Variants in POU2F2 observed in about 807,000 individuals in gnomAD.
POU2F2 encodes POU class 2 homeobox 2.
A neutral mutation model predicts 63.5 loss-of-function variants in POU2F2; 14 were observed. The observed-to-expected ratio is 0.22, with a 90% confidence interval of 0.15 to 0.34. The LOEUF is 0.34. Among genes scored for constraint, POU2F2 ranks in the 10% least tolerant of loss-of-function variants. POU2F2 has a pLI of 1.00. For synonymous variants in POU2F2, 306 were observed against 348.6 expected, an observed-to-expected ratio of 0.88 and a Z score of 1.36; for missense variants, 607 against 815.2, an observed-to-expected ratio of 0.74 and a Z score of 3.11.
chr19:42,192,217 G>C (rs2035082036), intron 1 of POU2F2, among the ~76,000 whole-genome samples: 2 of 152,162 alleles, frequency 1.3e-5, no homozygotes, highest in South Asian at 4.1e-4. Context: ...GGAGAGCATG[G>C]GTTGGGGTGG....
intron 2 of POU2F2, among the ~76,000 whole-genome samples, chr19:42,137,943 G>C (rs2034050782): frequency 6.6e-6 from 1 of 152,236 alleles, no homozygotes; most frequent in Non-Finnish European, 1.5e-5. Context: ...AGCTGGAGCA[G>C]AGTGAACAAA....
At chr19:42,150,351 G>A (rs1179090614) in intron 2 of POU2F2, among the ~76,000 whole-genome samples, 1 of 150,382 alleles carries the variant, frequency 6.6e-6, no homozygotes, top group African/African-American at 2.4e-5. Context: ...CATGGATGAG[G>A]AGGAAGAGGA....
chr19:42,095,489 A>G lies in POU2F2; in HGVS notation c.1021-27T>C. On this transcript the variant is annotated intron_variant, in intron 10 of 14. Transcript: ENST00000692977. This position sits in a 1 kb window ranked among gnomAD's most constrained non-coding sequence, Gnocchi z 7.1. The stretch of plus-strand genomic sequence containing the variant: ...TGCAGGCAGAGGGCTCGTTAGCCCG[A>G]GGCCCACCGCCCGCCACCCCTCAGG... 6.2e-7 allele frequency: 1 copy of G among 1,608,130 alleles called. No homozygotes were observed. Among genetic ancestry groups the G allele is most frequent in the Non-Finnish European group, 8.5e-7 (1 of 1,177,510 alleles).
At chr19:42,163,941 G>A (rs2034600464) in intron 1 of POU2F2, among the ~76,000 whole-genome samples, 1 of 151,992 alleles carries the variant, frequency 6.6e-6, no homozygotes, top group African/African-American at 2.4e-5. Context: ...CATTGACAAC[G>A]AAACCATGTT....
At position 42,132,318 on chromosome 19, in the gene POU2F2, C is replaced by T; in HGVS notation, c.28+66G>A. ...AGCTGAGGAGGAGGGGCAGGCAGGGCCCGCAGAGCAAACCTAAATGTGCTG... is the reference window on the plus strand; with the variant it reads ...AGCTGAGGAGGAGGGGCAGGCAGGGTCCGCAGAGCAAACCTAAATGTGCTG... On this transcript the variant is annotated intron_variant, in intron 1 of 14. Coordinates refer to ENST00000692977, the MANE Select transcript of POU2F2 (RefSeq NM_001394376.1). 6 of 1,556,076 alleles carry T rather than the reference C, an allele frequency of 3.9e-6. No homozygotes were observed. In the South Asian group the frequency reaches 7.0e-5, roughly 18 times the overall value.
At position 42,096,060 on chromosome 19, in the gene POU2F2, A is replaced by C. The variant is rs963981376; in HGVS notation, c.729+22T>G. On this transcript the variant is annotated intron_variant, in intron 8 of 14. Coordinates refer to ENST00000692977, the MANE Select transcript of POU2F2 (RefSeq NM_001394376.1). The surrounding 1 kb of genome is among the most constrained non-coding windows in gnomAD (Gnocchi z 4.1). The stretch of plus-strand genomic sequence containing the variant: ...GGCCACGCCCCCACGCCCACCGCCC[A>C]GCCTGCAAGGTGCCTCCAGACCTGC... The C allele has an allele frequency of 6.2e-7, 1 of 1,612,482 alleles. No homozygotes were observed. The highest frequency in any genetic ancestry group is 1.7e-4 in the Middle Eastern group (1 of 6,056).
At position 42,173,171 on chromosome 19, in the gene POU2F2, A is replaced by G. The variant is rs370170882; in HGVS notation, c.-70+2792T>C. ...AATATATTTAGAAGGAGGAATAGAC[A>G]TCCATCTGAGGAGGCCTTACACCCA... On this transcript the variant is annotated intron_variant, in intron 1 of 6. Coordinates refer to the POU2F2 transcript ENST00000524801. 1.4e-4 allele frequency among the ~76,000 whole-genome samples: 22 copies of G among 152,266 alleles called. No individual in the cohort carries two copies. The South Asian group carries it at 4.1e-3, about 29-fold the overall frequency.
upstream of POU2F2, among the ~76,000 whole-genome samples, chr19:42,179,681 C>A (rs2034938832): frequency 6.6e-6 from 1 of 152,104 alleles, no homozygotes; most frequent in Non-Finnish European, 1.5e-5. Context: ...GTGTGAGAAA[C>A]ACGAGAATCA....
intron 1 of POU2F2, among the ~76,000 whole-genome samples, chr19:42,129,263 T>C (rs1317222867): frequency 6.6e-6 from 1 of 152,032 alleles, no homozygotes; most frequent in Non-Finnish European, 1.5e-5. Flanking sequence ...TAATGTGTAA[T>C]ATTTTAGGGG....
chr19:42,147,072 C>T (rs1163992548), intron 2 of POU2F2, among the ~76,000 whole-genome samples: 4 of 152,180 alleles, frequency 2.6e-5, no homozygotes, highest in Admixed American at 1.3e-4. Context: ...CTTTCTAAAA[C>T]GTAACCAGGT....
In POU2F2 at chr19:42,096,191, G is replaced by T. The variant is rs200544374; in HGVS notation, c.620C>A (p.Pro207His). 92 of 1,613,052 alleles carry T rather than the reference G, an allele frequency of 5.7e-5. No homozygotes were observed. The highest frequency in any genetic ancestry group is 7.5e-5 in the Non-Finnish European group (89 of 1,179,708). ...GTGGGATGGTGGCTCCAAGCATTTG[G>T]GGGGCTGCGGGTGCGAGAGGTGCGG... ...PDPHLSHPQP[P>H]KCLEPPSHPE... The change falls in exon 8 of 15, where the codon CCC becomes CAC. Residue 207 changes from proline (P) to histidine (H), a missense_variant. Pro to His is a moderately conservative substitution (Grantham distance 77, BLOSUM62 -2). Transcript: ENST00000692977. The surrounding 1 kb of genome is among the most constrained non-coding windows in gnomAD (Gnocchi z 4.1).
upstream of POU2F2, among the ~76,000 whole-genome samples, chr19:42,177,838 G>C (rs2034914541): frequency 6.6e-6 from 1 of 152,022 alleles, no homozygotes; most frequent in Non-Finnish European, 1.5e-5. Context: ...AGAAAAAAGA[G>C]AGAGGGGACA....
intron 1 of POU2F2, among the ~76,000 whole-genome samples, chr19:42,181,668 C>G (rs575905558): frequency 6.6e-6 from 1 of 152,148 alleles, no homozygotes; most frequent in Non-Finnish European, 1.5e-5. Context: ...CTCTCTGCAA[C>G]CTCTGCCTCC....
intron 1 of POU2F2, among the ~76,000 whole-genome samples, chr19:42,195,324 C>CT (rs1173270813): frequency 1.4e-5 from 2 of 141,334 alleles, no homozygotes; most frequent in Non-Finnish European, 3.1e-5. Flanking sequence ...TTCCCTCCCT[C>CT]TTTTTCTTTT....
chr19:42,140,252 G>A (rs771969021), intron 2 of POU2F2, among the ~76,000 whole-genome samples: 3 of 151,910 alleles, frequency 2.0e-5, no homozygotes, highest in Non-Finnish European at 4.4e-5. Context: ...GCCCACATGC[G>A]CACTTCCTGT....
rs1299771947 is a variant in POU2F2 at position 42,089,707 on chromosome 19, C to CTT, written c.*1548_*1549dup. On this transcript the variant is annotated 3_prime_UTR_variant, in exon 15 of 15. Transcript: ENST00000692977. ...CTTGAAGAGTCCTCATCTTCTTTCC[C>CTT]TTTTATATATATATATATATATATG... 222 of 143,546 alleles carry CTT rather than the reference C, an allele frequency of 1.5e-3. 1 individual carries two copies. The highest frequency in any genetic ancestry group is 5.5e-3 in the African/African-American group (209 of 38,158). 8.9% of individuals were successfully genotyped at this position (143,546 alleles called of 1,614,324 possible).
chr19:42,158,851 C>A (rs772539594), intron 2 of POU2F2, among the ~76,000 whole-genome samples: 46 of 152,222 alleles, frequency 3.0e-4, no homozygotes, highest in Non-Finnish European at 5.1e-4. Context: ...CAAACTAATT[C>A]TGCAACCTGG....
At chr19:42,109,132 G>A (rs1231223224) in intron 5 of POU2F2, among the ~76,000 whole-genome samples, 2 of 152,226 alleles carry the variant, frequency 1.3e-5, no homozygotes. Flanking sequence ...AGTTCCACCT[G>A]GGGGAGAAGA....
chr19:42,163,093 C>T (rs1257141867), intron 1 of POU2F2, among the ~76,000 whole-genome samples: 3 of 151,982 alleles, frequency 2.0e-5, no homozygotes, highest in East Asian at 3.9e-4. Flanking sequence ...GATTGGACTC[C>T]GAGGGGCATG....
Sources: gnomAD v4.1 joint callset for allele counts (sites outside exome capture counted in the v4.1 genomes callset) on GRCh38, gnomAD v4.1.1 for gene constraint, Gnocchi (gnomAD v3.1) non-coding constraint, MANE v1.5 for transcripts, NCBI Gene and HGNC (gene_info 2026-07-23, HGNC 2026-07-21) for gene names.